EIF4G3: variants seen among roughly 807,000 people sequenced by gnomAD.
EIF4G3 encodes the protein eukaryotic translation initiation factor 4 gamma 3, also known as eIF-4-gamma 3.
A neutral mutation model predicts 186.4 loss-of-function variants in EIF4G3; 34 were observed. The ratio of observed to expected loss-of-function variants is 0.18; its 90% CI spans 0.14 to 0.24. EIF4G3 has a LOEUF of 0.24. EIF4G3 is among the 10% of genes least tolerant of loss of function. The pLI is 1.00. For synonymous variants in EIF4G3, 673 were observed against 679.5 expected (o/e 0.99, Z 0.15); for missense variants, 1,536 against 1,948.5 (o/e 0.79, Z 3.99).
intron 4 of EIF4G3, among the ~76,000 whole-genome samples, chr1:21,040,399 C>T (rs79804561): frequency 0.029 from 4,401 of 152,282 alleles, 134 homozygotes; most frequent in East Asian, 0.14. Context: ...CAACTGTATC[C>T]TTTGTGATAT....
intron 4 of EIF4G3, among the ~76,000 whole-genome samples, chr1:21,034,267 T>C (rs2092995009): frequency 1.3e-5 from 2 of 152,240 alleles, no homozygotes; most frequent in African/African-American, 4.8e-5. Context: ...TTTTAAATGT[T>C]ATCTACCACA....
intron 30 of EIF4G3, among the ~76,000 whole-genome samples, chr1:20,840,055 A>G (rs2068041683): frequency 6.6e-6 from 1 of 152,184 alleles, no homozygotes; most frequent in Admixed American, 6.5e-5. Flanking sequence ...CTATTCCCTT[A>G]GAGAGTGGGC....
At chr1:20,882,780 AT>A (rs1365191194) in intron 19 of EIF4G3, among the ~76,000 whole-genome samples, 1 of 151,500 alleles carries the variant, frequency 6.6e-6, no homozygotes, top group African/African-American at 2.4e-5. Context: ...TGGGCAATAG[AT>A]TTAAGACCCT....
chr1:20,828,951 T>G (rs546231490), intron 31 of EIF4G3, among the ~76,000 whole-genome samples, 196 bp downstream of exon 31: 1 of 152,304 alleles, frequency 6.6e-6, no homozygotes, highest in African/African-American at 2.4e-5. Flanking sequence ...AGGGCTATCA[T>G]ATCCCCAGAA....
chr1:20,908,678 G>A (rs559864007), intron 14 of EIF4G3, among the ~76,000 whole-genome samples: 1 of 152,070 alleles, frequency 6.6e-6, no homozygotes, highest in Non-Finnish European at 1.5e-5. Context: ...GGCTTAACTG[G>A]ATTCAAATTG....
At position 20,902,061 on chromosome 1, in the gene EIF4G3, C is replaced by T. The variant is rs185313047; in HGVS notation, c.1753-2118G>A. On this transcript the variant is annotated intron_variant, in intron 15 of 36. Coordinates refer to ENST00000602326, the MANE Select transcript of EIF4G3 (RefSeq NM_001391906.1). ...CATCCTTCATCCTTACTTTTCTAGG[C>T]TATAATTTTTTTTTTTTTTTTGAGA... 3.6e-3 allele frequency among the ~76,000 whole-genome samples: 538 copies of T among 151,498 alleles called. 3 individuals carry two copies. The highest frequency in any genetic ancestry group is 4.5e-3 in the Non-Finnish European group (307 of 67,856).
chr1:21,117,750 A>AAAAAAAAAAAAAAAAAAAAAAAC (rs1558042536), intron 2 of EIF4G3, among the ~76,000 whole-genome samples: 1 of 149,592 alleles, frequency 6.7e-6, no homozygotes, highest in African/African-American at 2.4e-5. Context: ...AAAAAAAAAA[A>AAAAAAAAAAAAAAAAAAAAAAAC]AAAAAAAAAA....
intron 14 of EIF4G3, among the ~76,000 whole-genome samples, chr1:20,922,073 A>G (rs2094524884): frequency 6.6e-6 from 1 of 152,166 alleles, no homozygotes; most frequent in Admixed American, 6.5e-5. Context: ...CTTTTTGAAA[A>G]GTTCTCTTAG....
At chr1:21,175,476 G>C (rs1411346391) in intron 2 of EIF4G3, 1 of 152,178 alleles carries the variant, frequency 6.6e-6, no homozygotes, top group African/African-American at 2.4e-5. Context: ...TGAGACTTTT[G>C]TGGGTGATGG....
intron 12 of EIF4G3, among the ~76,000 whole-genome samples, chr1:20,950,545 A>G (rs770015424): frequency 6.6e-6 from 1 of 152,174 alleles, no homozygotes; most frequent in Non-Finnish European, 1.5e-5. Context: ...AGAAAATGTA[A>G]TGAGGCTGAA....
At chr1:20,900,545 A>G (rs76967474) in intron 15 of EIF4G3, among the ~76,000 whole-genome samples, 1 of 152,082 alleles carries the variant, frequency 6.6e-6, no homozygotes, top group Non-Finnish European at 1.5e-5. Flanking sequence ...AGAAAAAAAA[A>G]AGAGAAATCT....
At chr1:20,905,062 G>A (rs2091655581) in intron 14 of EIF4G3, 91 bp from the exon 15 acceptor site, 8 of 932,126 alleles carry the variant, frequency 8.6e-6, no homozygotes, top group Admixed American at 7.1e-5. Context: ...AAATTAAGCA[G>A]GATAAAAGAG....
Position 20,862,214 on chromosome 1 carries a change from T to C in EIF4G3, c.3111+14A>G. 1 of 1,495,854 alleles carries C rather than the reference T, an allele frequency of 6.7e-7. No homozygotes were observed. Among genetic ancestry groups the C allele is most frequent in the Non-Finnish European group, 9.2e-7 (1 of 1,090,502 alleles). The allele number at this position is 1,495,854 out of a possible 1,614,324, so 92.7% of individuals were successfully genotyped here. A position where few individuals can be genotyped will look rare whatever the true frequency, so the allele number is the denominator to read the frequency against. ...TGGACCAGCAGGCTTATTATTATTT[T>C]TTTTCCCACTCACCAGCCTTAGGTC... On this transcript the variant is annotated intron_variant, in intron 23 of 36. Coordinates refer to ENST00000602326, the MANE Select transcript of EIF4G3 (RefSeq NM_001391906.1).
At chr1:20,945,380 G>C (rs1235051332) in intron 13 of EIF4G3, among the ~76,000 whole-genome samples, 1 of 152,002 alleles carries the variant, frequency 6.6e-6, no homozygotes, top group Non-Finnish European at 1.5e-5. Flanking sequence ...TGATAATCTG[G>C]GCATATAATG....
intron 14 of EIF4G3, among the ~76,000 whole-genome samples, chr1:20,933,274 T>C (rs1273236582): frequency 6.6e-6 from 1 of 151,998 alleles, no homozygotes; most frequent in African/African-American, 2.4e-5. Flanking sequence ...ACCAAGGAAA[T>C]GACAAGCATC....
rs1446715482 is a variant in EIF4G3 at position 20,806,835 on chromosome 1, T to C, written c.*484A>G. The C allele has an allele frequency of 6.6e-6, 1 of 152,564 alleles. No homozygotes were observed. The highest frequency in any genetic ancestry group is 1.5e-5 in the Non-Finnish European group (1 of 68,030). The allele number at this position is 152,564 out of a possible 1,614,324, so 9.5% of individuals were successfully genotyped here. On this transcript the variant is annotated 3_prime_UTR_variant, in exon 37 of 37. Coordinates refer to ENST00000602326, the MANE Select transcript of EIF4G3 (RefSeq NM_001391906.1). ...TTCTTACCTTGTTCACCCCAAACTT[T>C]CTCAAATCTGGACTAAATGCTATAC...
intron 3 of EIF4G3, among the ~76,000 whole-genome samples, chr1:21,053,967 T>G (rs1196597049): frequency 6.6e-6 from 1 of 151,562 alleles, no homozygotes; most frequent in African/African-American, 2.4e-5. Context: ...GTCTGGGAGG[T>G]GTACTCAACA....
chr1:21,086,199 C>CTTT (rs397979515), intron 3 of EIF4G3, among the ~76,000 whole-genome samples: 1,158 of 94,834 alleles, frequency 0.012, 12 homozygotes, highest in Non-Finnish European at 0.015. Flanking sequence ...ACATGATACT[C>CTTT]TTTTTTTTTT....
chr1:21,169,979 A>G (rs1358275860), intron 2 of EIF4G3, among the ~76,000 whole-genome samples: 1 of 152,016 alleles, frequency 6.6e-6, no homozygotes. Flanking sequence ...GATTGAGAAC[A>G]TCTTGACCAA....
Sources: gnomAD v4.1 joint callset for allele counts (sites outside exome capture counted in the v4.1 genomes callset) on GRCh38, gnomAD v4.1.1 for gene constraint, MANE v1.5 for transcripts, NCBI Gene and HGNC (gene_info 2026-07-23, HGNC 2026-07-21) for gene names.